The following ABLIM2 variants were observed in gnomAD, a reference collection of about 807,000 sequenced individuals.
ABLIM2 encodes actin-binding LIM protein 2.
Under a neutral mutation model 97.7 loss-of-function variants are expected in ABLIM2, and 53 were observed. The observed-to-expected ratio is 0.54, with a 90% CI of 0.44 to 0.68. The LOEUF is 0.68. ABLIM2 is among the 30% of genes least tolerant of loss of function. ABLIM2 has a pLI of 0.00. For synonymous variants in ABLIM2, 361 were observed against 345.8 expected (o/e 1.04, Z -0.49); for missense variants, 835 against 867.2 (o/e 0.96, Z 0.47).
intron 12 of ABLIM2, among the ~76,000 whole-genome samples, chr4:8,024,200 G>C (rs185416287): frequency 6.6e-6 from 1 of 152,124 alleles, no homozygotes; most frequent in East Asian, 1.9e-4. Flanking sequence ...TGGGCCCACC[G>C]CTCAGCACAT....
chr4:8,101,712 G>A (rs1472910024), intron 2 of ABLIM2, among the ~76,000 whole-genome samples: 4 of 152,100 alleles, frequency 2.6e-5, no homozygotes, highest in South Asian at 2.1e-4. Flanking sequence ...CCGCTCTCCC[G>A]AGGGCACACA....
chr4:8,074,222 G>A (rs1561185444), intron 6 of ABLIM2, among the ~76,000 whole-genome samples: 1 of 152,098 alleles, frequency 6.6e-6, no homozygotes, highest in Admixed American at 6.6e-5. Flanking sequence ...GGGAGGCTGA[G>A]GTGGAAGGAT....
chr4:7,987,367 C>G lies in ABLIM2; in HGVS notation c.1681-2474G>C, dbSNP rs1250979268. ...CAAACTCTTGGCTTCAAGCAATCCTCTCACCTCAGCCTCCCAAAGCACTGG... is the reference window on the plus strand; with the variant it reads ...CAAACTCTTGGCTTCAAGCAATCCTGTCACCTCAGCCTCCCAAAGCACTGG... On this transcript the variant is annotated intron_variant, in intron 17 of 20. Coordinates refer to ENST00000447017, the MANE Select transcript of ABLIM2 (RefSeq NM_001130083.2). Among the ~76,000 whole-genome samples the G allele has an allele frequency of 3.3e-5, 5 of 152,168 alleles. No homozygotes were observed. In the East Asian group the frequency reaches 9.6e-4, roughly 29 times the overall value.
At chr4:7,973,329 C>A (rs137920131) in intron 20 of ABLIM2, among the ~76,000 whole-genome samples, 2,130 of 151,852 alleles carry the variant, frequency 0.014, 48 homozygotes, top group African/African-American at 0.049. Flanking sequence ...GGCAAAACCC[C>A]GTCTCTACTA....
In ABLIM2 at chr4:8,071,693, A is replaced by AACCCCCCCCCCCC; in HGVS notation, c.675+5934_675+5935insGGGGGGGGGGGGT. On this transcript the variant is annotated intron_variant, in intron 6 of 20. Coordinates refer to ENST00000447017, the MANE Select transcript of ABLIM2 (RefSeq NM_001130083.2). This position sits in a 1 kb window ranked among gnomAD's most constrained non-coding sequence, Gnocchi z 6.2. ...ACACCTGACTGCTCTGTCCCCAAAA[A>AACCCCCCCCCCCC]CCCACCCACCCGCAGCCCCTCCTGG... The AACCCCCCCCCCCC allele has an allele frequency of 4.4e-5, 36 of 819,826 alleles. No individual in the cohort carries two copies. The highest frequency in any genetic ancestry group is 5.0e-5 in the Non-Finnish European group (34 of 679,288). The allele number at this position is 819,826 out of a possible 1,614,324, so 50.8% of individuals were successfully genotyped here.
Position 8,149,926 on chromosome 4 carries a change from T to G in ABLIM2, c.10+8754A>C, listed in dbSNP as rs561339156. Among the ~76,000 whole-genome samples, 38 of 151,508 alleles carry G rather than the reference T, an allele frequency of 2.5e-4. No individual in the cohort carries two copies. Among genetic ancestry groups the G allele is most frequent in the African/African-American group, 9.0e-4 (37 of 41,290 alleles). ...GGGACTGAGTCCCCACTTGCCAGAGTGGTGGCCCCCATCCAAATGCCCCCT... is the reference window on the plus strand; with the variant it reads ...GGGACTGAGTCCCCACTTGCCAGAGGGGTGGCCCCCATCCAAATGCCCCCT... On this transcript the variant is annotated intron_variant, in intron 1 of 20. Transcript: ENST00000447017. This position sits in a 1 kb window ranked among gnomAD's most constrained non-coding sequence, Gnocchi z 6.4.
chr4:8,030,492 G>A (rs556525729), intron 10 of ABLIM2, among the ~76,000 whole-genome samples: 1 of 152,332 alleles, frequency 6.6e-6, no homozygotes, highest in African/African-American at 2.4e-5. Context: ...GCACAGTGAT[G>A]AGCAAAGGAA....
chr4:8,020,334 G>A (rs1286171179), intron 12 of ABLIM2, 31 bp from the exon 13 acceptor site: 4 of 1,579,670 alleles, frequency 2.5e-6, no homozygotes, highest in Non-Finnish European at 3.5e-6. Flanking sequence ...GCAGCAGATA[G>A]AAGGGGAAAC....
chr4:8,083,692 C>CA lies in ABLIM2; in HGVS notation c.455-2891dup, dbSNP rs979823836. Among the ~76,000 whole-genome samples the CA allele has an allele frequency of 1.3e-5, 2 of 152,222 alleles. No homozygotes were observed. The highest frequency in any genetic ancestry group is 4.8e-5 in the African/African-American group (2 of 41,458). On this transcript the variant is annotated intron_variant, in intron 4 of 20. Coordinates refer to ENST00000447017, the MANE Select transcript of ABLIM2 (RefSeq NM_001130083.2). This position sits in a 1 kb window ranked among gnomAD's most constrained non-coding sequence, Gnocchi z 4.6. Reference sequence around the variant, plus strand: ...TTTGCGGGCTCTGCGCATGGCAGCTCAGAGTCCTGTGTGACACAGGCTGTG... The same window carrying CA: ...TTTGCGGGCTCTGCGCATGGCAGCTCAAGAGTCCTGTGTGACACAGGCTGTG...
rs537781316 is a variant in ABLIM2, at chr4:8,036,097, G to A, written c.1047+52C>T. 1.1e-3 allele frequency: 1,691 copies of A among 1,600,108 alleles called. 1 individual carries two copies. Among genetic ancestry groups the A allele is most frequent in the Non-Finnish European group, 1.4e-3 (1,603 of 1,172,546 alleles). ...TGCTAGGGATGACGCCTGTCCTGCAGGGCAGCACTTGGGGACACAGGTGTC... is the reference window on the plus strand; with the variant it reads ...TGCTAGGGATGACGCCTGTCCTGCAAGGCAGCACTTGGGGACACAGGTGTC... On this transcript the variant is annotated intron_variant, in intron 10 of 20. Transcript: ENST00000447017.
chr4:8,024,439 C>G (rs10049904), intron 12 of ABLIM2, among the ~76,000 whole-genome samples: 118,616 of 152,062 alleles, frequency 0.78, 47,145 homozygotes, highest in African/African-American at 0.95. Flanking sequence ...TTGCCTCGGG[C>G]AGCCGCCCCC....
chr4:8,091,784 A>C (rs1442479517), intron 3 of ABLIM2, among the ~76,000 whole-genome samples: 1 of 71,434 alleles, frequency 1.4e-5, no homozygotes, highest in East Asian at 4.3e-4. Context: ...TTTATATATT[A>C]ATAATTATAG....
chr4:8,094,393 G>A (rs949529298), intron 3 of ABLIM2, among the ~76,000 whole-genome samples: 9 of 152,170 alleles, frequency 5.9e-5, no homozygotes, highest in African/African-American at 1.7e-4. Flanking sequence ...CAAGACTCAC[G>A]TCTCCAACAA....
At chr4:8,134,504 G>A (rs550937804) in intron 1 of ABLIM2, among the ~76,000 whole-genome samples, 2 of 152,276 alleles carry the variant, frequency 1.3e-5, no homozygotes, top group African/African-American at 4.8e-5. Flanking sequence ...AACCAATAGC[G>A]ATCCATCTCC....
chr4:8,007,869 T>C, intron 16 of ABLIM2, 190 bp downstream of exon 16: 1 of 1,393,388 alleles, frequency 7.2e-7, no homozygotes, highest in Non-Finnish European at 9.3e-7. Context: ...TCGGGGACAG[T>C]TCTTGGGAAG....
intron 3 of ABLIM2, among the ~76,000 whole-genome samples, chr4:8,096,870 C>G (rs1364558154): frequency 1.3e-5 from 2 of 152,200 alleles, no homozygotes; most frequent in Non-Finnish European, 2.9e-5. Context: ...TGCCATGCAC[C>G]AGACCCAAAG....
At chr4:8,110,986 G>T (rs531778486) in intron 1 of ABLIM2, among the ~76,000 whole-genome samples, 1 of 152,216 alleles carries the variant, frequency 6.6e-6, no homozygotes, top group African/African-American at 2.4e-5. Flanking sequence ...GGACGGCTAG[G>T]GGGGCAACAG....
chr4:7,966,219 T>G lies in ABLIM2; in HGVS notation c.*771A>C, dbSNP rs1722906860. On this transcript the variant is annotated 3_prime_UTR_variant, in exon 21 of 21. Transcript: ENST00000447017. ...CCACACAGATCCGAGCGGTGGAGAA[T>G]AAGGCTGGAGGCCGCTCCCCTGCGG... 6.6e-6 allele frequency: 1 copy of G among 152,602 alleles called. No homozygotes were observed. The allele number at this position is 152,602 out of a possible 1,614,324, so 9.5% of individuals were successfully genotyped here.
intron 17 of ABLIM2, among the ~76,000 whole-genome samples, chr4:7,988,354 A>G (rs1231934603): frequency 1.3e-5 from 2 of 152,150 alleles, no homozygotes; most frequent in African/African-American, 2.4e-5. Flanking sequence ...CTGTGGCTCT[A>G]TAGGTACATT....
Sources: allele counts gnomAD v4.1 joint callset (sites outside exome capture counted in the v4.1 genomes callset), GRCh38; gene constraint gnomAD v4.1.1; non-coding constraint Gnocchi (gnomAD v3.1); transcripts MANE v1.5; gene names NCBI Gene and HGNC (gene_info 2026-07-23, HGNC 2026-07-21).